PTPRZ1: variants seen among roughly 807,000 people sequenced by gnomAD.
The protein encoded by PTPRZ1 is receptor-type tyrosine-protein phosphatase zeta.
Under a neutral mutation model 214.1 loss-of-function variants are expected in PTPRZ1, and 82 were observed. The ratio of observed to expected loss-of-function variants is 0.38; its 90% CI spans 0.32 to 0.46. The LOEUF (loss-of-function observed/expected upper bound fraction) is 0.46. Among genes scored for constraint, PTPRZ1 ranks in the 20% least tolerant of loss-of-function variants. PTPRZ1 has a pLI of 1.00. For missense variants in PTPRZ1, 2,603 were observed against 2,748.7 expected (o/e 0.95, Z 1.19); for synonymous variants, 945 against 987.9 (o/e 0.96, Z 0.81).
At chr7:121,944,315 A>G (rs1324335982) in intron 2 of PTPRZ1, among the ~76,000 whole-genome samples, 2 of 152,166 alleles carry the variant, frequency 1.3e-5, no homozygotes, top group Admixed American at 1.3e-4. Flanking sequence ...TGGGTCCTGA[A>G]AATATTAAGA....
At chr7:121,946,147 C>G (rs1217895975) in intron 2 of PTPRZ1, among the ~76,000 whole-genome samples, 2 of 152,140 alleles carry the variant, frequency 1.3e-5, no homozygotes, top group Non-Finnish European at 2.9e-5. Context: ...GAAATTGAAA[C>G]AAGAATTTTC....
intron 6 of PTPRZ1, among the ~76,000 whole-genome samples, chr7:121,982,045 G>C (rs1284522661): frequency 2.0e-5 from 3 of 152,022 alleles, no homozygotes; most frequent in African/African-American, 7.2e-5. Flanking sequence ...ATTTAAATCT[G>C]CAATCAGTTT....
At position 121,957,183 on chromosome 7, in the gene PTPRZ1, T is replaced by C. The variant is rs560215352; in HGVS notation, c.125-10768T>C. Among the ~76,000 whole-genome samples the C allele has an allele frequency of 1.1e-3, 160 of 152,242 alleles. 1 individual carries two copies. Among genetic ancestry groups the C allele is most frequent in the Non-Finnish European group, 2.0e-3 (137 of 68,006 alleles). Reference sequence around the variant, plus strand: ...CTCTGGGTACCTTCTGTCCCTTCTTTGCAGGGCCTTTTTAGGCCTGGGCTC... The same window carrying C: ...CTCTGGGTACCTTCTGTCCCTTCTTCGCAGGGCCTTTTTAGGCCTGGGCTC... On this transcript the variant is annotated intron_variant, in intron 2 of 29. Coordinates refer to ENST00000393386, the MANE Select transcript of PTPRZ1 (RefSeq NM_002851.3).
At chr7:121,889,619 T>C (rs1794520064) in intron 1 of PTPRZ1, among the ~76,000 whole-genome samples, 1 of 152,172 alleles carries the variant, frequency 6.6e-6, no homozygotes, top group African/African-American at 2.4e-5. Flanking sequence ...AACTCCTCTC[T>C]TGACTTCTTC....
chr7:121,933,195 T>C (rs2116391509), intron 2 of PTPRZ1, among the ~76,000 whole-genome samples: 1 of 152,084 alleles, frequency 6.6e-6, no homozygotes, highest in East Asian at 1.9e-4. Context: ...TTTATTTTTT[T>C]TAATCTCATG....
At chr7:122,016,495 T>A (rs553876157) in intron 12 of PTPRZ1, among the ~76,000 whole-genome samples, 12 of 151,978 alleles carry the variant, frequency 7.9e-5, no homozygotes, top group Non-Finnish European at 1.2e-4. Context: ...TATCCTATTT[T>A]GTGTAAAAGA....
chr7:121,891,010 A>ACTCTCCCCTCACTCCC (rs1256505599), intron 1 of PTPRZ1, among the ~76,000 whole-genome samples: 1 of 146,262 alleles, frequency 6.8e-6, no homozygotes, highest in Non-Finnish European at 1.5e-5. Flanking sequence ...CTCCCACTCC[A>ACTCTCCCCTCACTCCC]CTCTCCCCTC....
intron 1 of PTPRZ1, among the ~76,000 whole-genome samples, chr7:121,915,340 C>A (rs1431375534): frequency 6.6e-6 from 1 of 152,174 alleles, no homozygotes; most frequent in Non-Finnish European, 1.5e-5. Flanking sequence ...ACTAATGCCC[C>A]TTGCTCTGAG....
intron 1 of PTPRZ1, among the ~76,000 whole-genome samples, chr7:121,899,099 C>T (rs1794886698): frequency 6.6e-6 from 1 of 152,086 alleles, no homozygotes; most frequent in South Asian, 2.1e-4. Context: ...ATTCAAGTCC[C>T]AGGACAGTAA....
intron 2 of PTPRZ1, among the ~76,000 whole-genome samples, chr7:121,950,788 C>T (rs1796523314): frequency 6.6e-6 from 1 of 152,134 alleles, no homozygotes. Context: ...TTTGTATTTT[C>T]AGACTTAGGA....
chr7:121,967,205 A>T (rs1797071373), intron 2 of PTPRZ1, among the ~76,000 whole-genome samples: 1 of 152,216 alleles, frequency 6.6e-6, no homozygotes. Flanking sequence ...ACTGTGGAAC[A>T]TGTGAAAATT....
intron 1 of PTPRZ1, among the ~76,000 whole-genome samples, chr7:121,880,454 T>C (rs568302537): frequency 6.6e-6 from 1 of 152,306 alleles, no homozygotes; most frequent in East Asian, 1.9e-4. Flanking sequence ...CTTTAGCACT[T>C]ACTGGATAAA....
rs760732460 is a variant in PTPRZ1 at position 122,010,711 on chromosome 7, G to A, written c.1665G>A (p.Gly555=). The change falls in exon 12 of 30, where the codon GGG becomes GGA. Residue 555 remains glycine, a synonymous_variant. Coordinates refer to ENST00000393386, the MANE Select transcript of PTPRZ1 (RefSeq NM_002851.3). ...GATCTCCACATATGAACTTGTCGGGGACTGCAGAATCCTTAAATACAGTTT... is the reference window on the plus strand; with the variant it reads ...GATCTCCACATATGAACTTGTCGGGAACTGCAGAATCCTTAAATACAGTTT... ...VLRSPHMNLS[G]TAESLNTVSI... 1 of 1,613,994 alleles carries A rather than the reference G, an allele frequency of 6.2e-7. No homozygotes were observed. The highest frequency in any genetic ancestry group is 8.5e-7 in the Non-Finnish European group (1 of 1,179,960).
At chr7:122,058,111 A>T (rs1456122801) in intron 27 of PTPRZ1, among the ~76,000 whole-genome samples, 1 of 151,874 alleles carries the variant, frequency 6.6e-6, no homozygotes. Context: ...TTGATATCTG[A>T]TGAGTTAATT....
At chr7:122,032,997 A>G (rs770201254) in intron 15 of PTPRZ1, among the ~76,000 whole-genome samples, 10 of 152,178 alleles carry the variant, frequency 6.6e-5, no homozygotes, top group Non-Finnish European at 1.0e-4. Flanking sequence ...AAGAAAAAAT[A>G]GACAATTTAT....
intron 2 of PTPRZ1, among the ~76,000 whole-genome samples, chr7:121,960,838 A>T (rs1049469531): frequency 1.3e-5 from 2 of 152,110 alleles, no homozygotes; most frequent in Non-Finnish European, 2.9e-5. Flanking sequence ...GTTTCCTCAC[A>T]CACAATGTTT....
intron 1 of PTPRZ1, chr7:121,909,032 T>C: frequency 4.2e-6 from 2 of 480,062 alleles, no homozygotes; most frequent in South Asian, 3.1e-5. Context: ...TGTGCTAATG[T>C]AATTTTGGAA....
chr7:122,020,359 A>C (rs1798979482), intron 13 of PTPRZ1, among the ~76,000 whole-genome samples: 2 of 152,228 alleles, frequency 1.3e-5, no homozygotes, highest in African/African-American at 4.8e-5. Context: ...GTGTATGCGT[A>C]GCAGTTGAAA....
At chr7:121,966,607 T>A (rs1797053563) in intron 2 of PTPRZ1, among the ~76,000 whole-genome samples, 1 of 152,232 alleles carries the variant, frequency 6.6e-6, no homozygotes, top group African/African-American at 2.4e-5. Context: ...GACTTTAAGA[T>A]GATTTTCAGT....
Sources: gnomAD v4.1 joint callset for allele counts (sites outside exome capture counted in the v4.1 genomes callset) on GRCh38, gnomAD v4.1.1 for gene constraint, MANE v1.5 for transcripts, NCBI Gene and HGNC (gene_info 2026-07-23, HGNC 2026-07-21) for gene names.